The following ANXA2 variants were observed in gnomAD, a reference collection of about 807,000 sequenced individuals.
ANXA2 encodes the protein annexin II.
A neutral mutation model predicts 47.3 loss-of-function variants in ANXA2; 28 were observed. The ratio of observed to expected loss-of-function variants is 0.59; its 90% CI spans 0.44 to 0.81. The LOEUF (loss-of-function observed/expected upper bound fraction) is 0.81, where lower values mean the gene tolerates loss of function less well. ANXA2 is among the 40% of genes least tolerant of loss of function. The pLI is 0.00. For missense variants in ANXA2, 384 were observed against 414.3 expected (o/e 0.93, Z 0.64); for synonymous variants, 172 against 155.5 (o/e 1.11, Z -0.79).
chr15:60,379,528 G>A (rs977441198), intron 3 of ANXA2, among the ~76,000 whole-genome samples: 2 of 152,116 alleles, frequency 1.3e-5, no homozygotes, highest in Admixed American at 6.5e-5. Flanking sequence ...CAACATTATG[G>A]TGCCTAAGAA....
intron 4 of ANXA2, among the ~76,000 whole-genome samples, 199 bp downstream of exon 4, chr15:60,364,230 T>A (rs909445660): frequency 5.9e-5 from 9 of 152,220 alleles, no homozygotes; most frequent in South Asian, 2.1e-4. Flanking sequence ...CCTGATGACC[T>A]GAGGTGCACG....
In ANXA2 at chr15:60,347,643, C is replaced by A. The variant is rs766639020; in HGVS notation, c.1007G>T (p.Gly336Val). Residue 336 changes from glycine to valine, a missense_variant, in exon 13 of 13, where the codon GGT becomes GTT. Gly to Val is a moderately radical substitution (Grantham distance 109). Coordinates refer to ENST00000451270, the MANE Select transcript of ANXA2 (RefSeq NM_004039.3). ...DYQKALLYLC[G>V]GDD The stretch of plus-strand genomic sequence containing the variant: ...CCGTGTCGGGCTTCAGTCATCTCCA[C>A]CACACAGGTACAGCAGCGCTTTCTG... The A allele has an allele frequency of 2.9e-5, 47 of 1,614,076 alleles. No homozygotes were observed. Among genetic ancestry groups the A allele is most frequent in the Non-Finnish European group, 3.8e-5 (45 of 1,180,040 alleles).
At chr15:60,356,837 A>T (rs998093233) in intron 6 of ANXA2, among the ~76,000 whole-genome samples, 2 of 152,200 alleles carry the variant, frequency 1.3e-5, no homozygotes, top group Non-Finnish European at 2.9e-5. Context: ...TGGAATCCAT[A>T]TATAATACTT....
At chr15:60,391,897 GAAA>G (rs10552250) in intron 1 of ANXA2, among the ~76,000 whole-genome samples, 116,449 of 148,212 alleles carry the variant, frequency 0.79, 45,849 homozygotes, top group East Asian at 0.97. Flanking sequence ...TCTCCAACAA[GAAA>G]AAAAAAAAAA....
intron 1 of ANXA2, among the ~76,000 whole-genome samples, chr15:60,388,009 G>A (rs1474113421): frequency 6.6e-6 from 1 of 152,036 alleles, no homozygotes; most frequent in Non-Finnish European, 1.5e-5. Flanking sequence ...CCAACATGGT[G>A]AAACCCCATC....
intron 1 of ANXA2, chr15:60,397,299 G>C (rs372442798): frequency 1.0e-6 from 1 of 985,532 alleles, no homozygotes; most frequent in Non-Finnish European, 1.2e-6. Context: ...GAAACTCTCC[G>C]GGTAGAGTGA....
intron 1 of ANXA2, chr15:60,393,008 C>T (rs950310559): frequency 2.3e-6 from 3 of 1,282,720 alleles, no homozygotes; most frequent in Non-Finnish European, 2.0e-6. Context: ...CCATCCTCCA[C>T]CCACCTACTG....
At chr15:60,388,019 C>G (rs1249561448) in intron 1 of ANXA2, among the ~76,000 whole-genome samples, 1 of 152,004 alleles carries the variant, frequency 6.6e-6, no homozygotes, top group Non-Finnish European at 1.5e-5. Context: ...GAAACCCCAT[C>G]TCTACTAAAA....
chr15:60,349,219 G>A (rs774763502), intron 11 of ANXA2, 22 bp from the exon 12 acceptor site: 1 of 1,612,964 alleles, frequency 6.2e-7, no homozygotes, highest in Admixed American at 1.7e-5. Context: ...GTTGATATTT[G>A]TTACATTCGC....
intron 11 of ANXA2, among the ~76,000 whole-genome samples, chr15:60,349,446 A>G (rs1320215729): frequency 6.6e-6 from 1 of 152,228 alleles, no homozygotes; most frequent in East Asian, 1.9e-4. Flanking sequence ...TAAGGTCTAT[A>G]TAAAACATAA....
At chr15:60,382,263 C>T (rs1001977323) in intron 3 of ANXA2, 79 bp downstream of exon 3, 35 of 1,098,056 alleles carry the variant, frequency 3.2e-5, no homozygotes, top group Non-Finnish European at 3.6e-5. Context: ...CAACGTATGG[C>T]GATTTGAGGG....
At chr15:60,357,448 TGGTGGAA>T (rs2062449246) in intron 5 of ANXA2, among the ~76,000 whole-genome samples, 1 of 152,170 alleles carries the variant, frequency 6.6e-6, no homozygotes, top group Non-Finnish European at 1.5e-5. Flanking sequence ...GAGCACAAGA[TGGTGGAA>T]CTGGCATGTT....
intron 11 of ANXA2, 81 bp downstream of exon 11, chr15:60,351,112 G>A: frequency 6.8e-7 from 1 of 1,463,868 alleles, no homozygotes; most frequent in South Asian, 1.2e-5. Context: ...CTCCATCCAT[G>A]AATCAAGGAG....
intron 1 of ANXA2, chr15:60,393,443 A>G (rs2063040648): frequency 1.0e-6 from 1 of 1,004,876 alleles, no homozygotes; most frequent in Non-Finnish European, 1.2e-6. Context: ...CTGGCCGCCT[A>G]CAGAAAAAAG....
chr15:60,347,835 C>A, intron 12 of ANXA2, 146 bp from the exon 13 acceptor site: 1 of 728,346 alleles, frequency 1.4e-6, no homozygotes, highest in Non-Finnish European at 2.3e-6. Flanking sequence ...ATACAAAGGC[C>A]TGGAAGGCCA....
intron 1 of ANXA2, chr15:60,386,861 C>T (rs1342991010): frequency 6.6e-6 from 1 of 152,130 alleles, no homozygotes; most frequent in Non-Finnish European, 1.5e-5. Flanking sequence ...GTAAATTTAT[C>T]TCAACAGAGA....
At chr15:60,377,663 G>C (rs896848426) in intron 3 of ANXA2, among the ~76,000 whole-genome samples, 168 of 152,260 alleles carry the variant, frequency 1.1e-3, no homozygotes, top group African/African-American at 3.9e-3. Flanking sequence ...CAGAGACAAA[G>C]TGAATAGCAT....
At chr15:60,348,997 A>G in intron 12 of ANXA2, 78 bp downstream of exon 12, 1 of 1,572,692 alleles carries the variant, frequency 6.4e-7, no homozygotes, top group Non-Finnish European at 8.7e-7. Context: ...CCACTCTGTC[A>G]TCATTCTGCC....
chr15:60,383,000 C>T (rs1470681334), intron 2 of ANXA2: 1 of 153,126 alleles, frequency 6.5e-6, no homozygotes, highest in Non-Finnish European at 1.5e-5. Context: ...GTGTTTCCCC[C>T]CCTCTCCTCT....
Sources: allele counts gnomAD v4.1 joint callset (sites outside exome capture counted in the v4.1 genomes callset), GRCh38; gene constraint gnomAD v4.1.1; transcripts MANE v1.5; gene names NCBI Gene and HGNC (gene_info 2026-07-23, HGNC 2026-07-21).